The following DLG2 variants were observed in gnomAD, a reference collection of about 807,000 sequenced individuals.
DLG2 encodes discs large MAGUK scaffold protein 2.
In DLG2, 45 loss-of-function variants were observed where a neutral mutation model predicts 132.5. The observed-to-expected ratio is 0.34, with a 90% CI of 0.27 to 0.44. The LOEUF is 0.44. DLG2 is among the 20% of genes least tolerant of loss of function. The pLI is 1.00. For synonymous variants in DLG2, 424 were observed against 419.6 expected (o/e 1.01, Z -0.13); for missense variants, 1,045 against 1,196.9 (o/e 0.87, Z 1.87).
chr11:85,172,930 T>C (rs865848919), intron 4 of DLG2, among the ~76,000 whole-genome samples: 2 of 151,878 alleles, frequency 1.3e-5, no homozygotes, highest in Admixed American at 6.6e-5. Flanking sequence ...GAGTAAAGAA[T>C]GAAAATGAAC....
chr11:85,398,778 T>A (rs1463903093), intron 3 of DLG2, among the ~76,000 whole-genome samples: 1 of 152,110 alleles, frequency 6.6e-6, no homozygotes, highest in East Asian at 1.9e-4. Context: ...ATTGAGGCGA[T>A]AATTAATAGC....
intron 4 of DLG2, among the ~76,000 whole-genome samples, chr11:85,209,899 C>T (rs1225611299): frequency 1.3e-5 from 2 of 152,072 alleles, no homozygotes; most frequent in African/African-American, 4.8e-5. Context: ...CAGACTCCTG[C>T]CCTCAGAGGC....
intron 6 of DLG2, among the ~76,000 whole-genome samples, chr11:84,733,210 C>T (rs777690390): frequency 7.9e-5 from 12 of 152,136 alleles, no homozygotes; most frequent in African/African-American, 2.2e-4. Context: ...CCTGAGGAAT[C>T]GACACACTGA....
In DLG2 at chr11:83,634,798, G is replaced by A. The variant is rs116495869; in HGVS notation, c.1826-1473C>T. On this transcript the variant is annotated intron_variant, in intron 18 of 27. Coordinates refer to ENST00000376104, the MANE Select transcript of DLG2 (RefSeq NM_001142699.3). ...AGTTTTCAGCAATAAATAGATAACAGGAAAATAAACTCTGAATATTAAATA... is the reference window on the plus strand; with the variant it reads ...AGTTTTCAGCAATAAATAGATAACAAGAAAATAAACTCTGAATATTAAATA... 9.1e-3 allele frequency among the ~76,000 whole-genome samples: 1,391 copies of A among 152,150 alleles called. 33 individuals carry two copies. The highest frequency in any genetic ancestry group is 0.032 in the African/African-American group (1,319 of 41,534).
chr11:85,216,353 A>T (rs1157530336), intron 4 of DLG2, among the ~76,000 whole-genome samples: 1 of 152,194 alleles, frequency 6.6e-6, no homozygotes, highest in Non-Finnish European at 1.5e-5. Flanking sequence ...TAAAGTACCT[A>T]AAAAAATTCA....
chr11:84,750,257 T>C lies in DLG2; in HGVS notation c.358-215526A>G, dbSNP rs753184826. On this transcript the variant is annotated intron_variant, in intron 6 of 27. Transcript: ENST00000376104. ...CCATGGTGATTTGCTGCACAGATCATCTCATCAGGTATGTATTAAGCCCAG... is the reference window on the plus strand; with the variant it reads ...CCATGGTGATTTGCTGCACAGATCACCTCATCAGGTATGTATTAAGCCCAG... Among the ~76,000 whole-genome samples the C allele has an allele frequency of 2.0e-5, 3 of 152,140 alleles. No homozygotes were observed. In the South Asian group the frequency reaches 6.2e-4, roughly 31 times the overall value.
chr11:83,984,227 T>TAGATAGATAGATAGAG (rs1555226829), intron 11 of DLG2, among the ~76,000 whole-genome samples: 2 of 110,598 alleles, frequency 1.8e-5, no homozygotes, highest in African/African-American at 9.0e-5. Flanking sequence ...GATAGATAGA[T>TAGATAGATAGATAGAG]AGATAGATAA....
At chr11:84,368,572 A>G (rs991975924) in intron 7 of DLG2, among the ~76,000 whole-genome samples, 5 of 152,136 alleles carry the variant, frequency 3.3e-5, no homozygotes, top group Admixed American at 2.6e-4. Context: ...TGGTGTTAAC[A>G]TGTGGTCTAA....
At chr11:84,422,644 G>C (rs1054503243) in intron 7 of DLG2, among the ~76,000 whole-genome samples, 7 of 152,108 alleles carry the variant, frequency 4.6e-5, no homozygotes, top group African/African-American at 1.7e-4. Flanking sequence ...TATCATAGTT[G>C]AAGTTGTTTT....
chr11:85,092,273 T>C (rs180995143), intron 6 of DLG2, among the ~76,000 whole-genome samples: 1 of 152,234 alleles, frequency 6.6e-6, no homozygotes, highest in Non-Finnish European at 1.5e-5. Flanking sequence ...GAAAACCAGG[T>C]TTTGGTCATA....
chr11:84,153,349 C>T (rs755299211), intron 9 of DLG2, among the ~76,000 whole-genome samples: 3 of 151,980 alleles, frequency 2.0e-5, no homozygotes, highest in Non-Finnish European at 4.4e-5. Context: ...TATCTTGCAG[C>T]GGTTTTCTGT....
chr11:84,540,738 A>G (rs1173260609), intron 6 of DLG2, among the ~76,000 whole-genome samples: 1 of 152,182 alleles, frequency 6.6e-6, no homozygotes, highest in Non-Finnish European at 1.5e-5. Flanking sequence ...AGACACATGC[A>G]CACGTATGTT....
chr11:85,563,695 T>C (rs898400096), intron 3 of DLG2, among the ~76,000 whole-genome samples: 1 of 147,358 alleles, frequency 6.8e-6, no homozygotes, highest in African/African-American at 2.4e-5. Context: ...TATATGGATA[T>C]ACCAAAACTG....
At chr11:83,629,361 T>C (rs1429136695) in intron 19 of DLG2, among the ~76,000 whole-genome samples, 1 of 152,184 alleles carries the variant, frequency 6.6e-6, no homozygotes, top group African/African-American at 2.4e-5. Context: ...GGTTATTTGC[T>C]TGAACTCTGA....
At chr11:85,536,577 T>C (rs1225800383) in intron 3 of DLG2, among the ~76,000 whole-genome samples, 1 of 152,188 alleles carries the variant, frequency 6.6e-6, no homozygotes, top group African/African-American at 2.4e-5. Context: ...CTGGGGCTGG[T>C]TGAGGCTGGA....
intron 7 of DLG2, among the ~76,000 whole-genome samples, chr11:84,502,260 TTCCTTCCTTCCTTCC>T (rs2099214800): frequency 2.0e-5 from 1 of 49,064 alleles, no homozygotes; most frequent in Non-Finnish European, 3.6e-5. Context: ...CCTTCCTTCC[TTCCTTCCTTCCTTCC>T]TTCCTTCTTT....
intron 4 of DLG2, among the ~76,000 whole-genome samples, chr11:85,161,978 C>G (rs914163978): frequency 6.6e-6 from 1 of 152,080 alleles, no homozygotes; most frequent in African/African-American, 2.4e-5. Context: ...AAATTTTTGC[C>G]CCTGTTCCTG....
intron 11 of DLG2, among the ~76,000 whole-genome samples, chr11:84,052,938 C>G (rs369365660): frequency 6.6e-6 from 1 of 152,064 alleles, no homozygotes; most frequent in Non-Finnish European, 1.5e-5. Context: ...AAATATAAAT[C>G]ATTCTATTAT....
intron 3 of DLG2, among the ~76,000 whole-genome samples, chr11:85,405,348 G>A (rs191427616): frequency 8.7e-4 from 133 of 152,032 alleles, no homozygotes; most frequent in African/African-American, 2.9e-3. Context: ...AAGTCCTTAC[G>A]CATAAGATTT....
Sources: gnomAD v4.1 joint callset for allele counts (sites outside exome capture counted in the v4.1 genomes callset) on GRCh38, gnomAD v4.1.1 for gene constraint, MANE v1.5 for transcripts, NCBI Gene and HGNC (gene_info 2026-07-23, HGNC 2026-07-21) for gene names.